Variants in DENND4B observed in about 807,000 individuals in gnomAD.
The protein encoded by DENND4B is DENN domain-containing protein 4B.
In DENND4B, 67 loss-of-function variants were observed where a neutral mutation model predicts 161.0. The observed-to-expected ratio is 0.42, with a 90% CI of 0.34 to 0.51. The LOEUF (loss-of-function observed/expected upper bound fraction) is 0.51. DENND4B is among the 20% of genes least tolerant of loss of function. The pLI, the probability that DENND4B is intolerant of heterozygous loss-of-function variation, is 0.08. For missense variants in DENND4B, 1,481 were observed against 1,968.0 expected (o/e 0.75, Z 4.68); for synonymous variants, 753 against 813.8 (o/e 0.93, Z 1.27).
rs375091440 is a variant in DENND4B at position 153,940,235 on chromosome 1, G to A, written c.1524C>T (p.Leu508=). The A allele has an allele frequency of 2.4e-5, 38 of 1,601,514 alleles. No individual in the cohort carries two copies. Among genetic ancestry groups the A allele is most frequent in the Non-Finnish European group, 3.1e-5 (37 of 1,174,702 alleles). ...GTCTGCGGGGCAGGGTCCGAGGGGA[G>A]AGGAGCTTCTTTTCCTCAGTCCTGT... ...TLFQTEEKKL[L]SPRTLPRRPY... is the part of the protein sequence containing the mutation. The change falls in exon 11 of 28, where the codon CTC becomes CTT. Residue 508 remains leucine (L), a synonymous_variant. Coordinates refer to ENST00000361217, the MANE Select transcript of DENND4B (RefSeq NM_014856.3). The surrounding 1 kb of genome is among the most constrained non-coding windows in gnomAD (Gnocchi z 5.6).
intron 13 of DENND4B, 55 bp downstream of exon 13, chr1:153,938,845 A>G: frequency 6.4e-7 from 1 of 1,550,840 alleles, no homozygotes; most frequent in Non-Finnish European, 8.7e-7. Context: ...TTGGGGCAAC[A>G]GAGACAATGA....
chr1:153,939,459 TA>T, intron 12 of DENND4B, 129 bp downstream of exon 12: 2 of 1,063,408 alleles, frequency 1.9e-6, no homozygotes, highest in Non-Finnish European at 2.7e-6. Context: ...CGGGTGCCCA[TA>T]AAAACATTTG....
At position 153,932,761 on chromosome 1, in the gene DENND4B, A is replaced by ATTT. The variant is rs775080280; in HGVS notation, c.3637_3639dup (p.Lys1213dup). On this transcript the variant is annotated inframe_insertion, in exon 23 of 28. Coordinates refer to ENST00000361217, the MANE Select transcript of DENND4B (RefSeq NM_014856.3). This position sits in a 1 kb window ranked among gnomAD's most constrained non-coding sequence, Gnocchi z 5.8. ...TCTTTGCTGCCACTGGCACCAGCAG[A>ATTT]TTTGGGGCTGGGGACACTGCAGGGG... 6.2e-7 allele frequency: 1 copy of ATTT among 1,613,988 alleles called. No homozygotes were observed.
chr1:153,930,379 T>C lies in DENND4B; in HGVS notation c.4409A>G (p.Glu1470Gly). 6.2e-7 allele frequency: 1 copy of C among 1,613,984 alleles called. No homozygotes were observed. Among genetic ancestry groups the C allele is most frequent in the Non-Finnish European group, 8.5e-7 (1 of 1,179,880 alleles). ...CATCTGCGCCCGCCGGTGCCTCAGC[T>C]CCTCCTTGCCCATGCTGCTGGCCAG... ...NKLASSMGKEELRHRRAQMPT... is the reference protein window; with the variant it reads ...NKLASSMGKEGLRHRRAQMPT... Residue 1470 changes from glutamate to glycine, a missense_variant, in exon 28 of 28, where the codon GAG (glutamate) becomes GGG (glycine). By Grantham distance (98) the Glu-to-Gly change is moderately conservative. Around this residue, in one of 3 missense-constraint regions of DENND4B, gnomAD observed 336 missense variants for 503.3 expected, o/e 0.67. Coordinates refer to ENST00000361217, the MANE Select transcript of DENND4B (RefSeq NM_014856.3). This position sits in a 1 kb window ranked among gnomAD's most constrained non-coding sequence, Gnocchi z 4.7.
intron 2 of DENND4B, among the ~76,000 whole-genome samples, chr1:153,943,678 T>TAAAAAGAA (rs1679801024): frequency 1.1e-5 from 1 of 92,408 alleles, no homozygotes; most frequent in African/African-American, 4.0e-5. Flanking sequence ...ACTCTGTCTA[T>TAAAAAGAA]AAAAAAAAAA....
At position 153,937,750 on chromosome 1, in the gene DENND4B, C is replaced by T. The variant is rs770968757; in HGVS notation, c.2079G>A (p.Glu693=). ...ITPPEEPALP[E]GSESTPQYCY... ...AGTACTGGGGAGTGGATTCACTGCC[C>T]TCTGGTAAGGCAGGCTCCTCGGGAG... Residue 693 remains glutamate (E), a synonymous_variant, in exon 14 of 28, where the codon GAG becomes GAA. Coordinates refer to ENST00000361217, the MANE Select transcript of DENND4B (RefSeq NM_014856.3). This position sits in a 1 kb window ranked among gnomAD's most constrained non-coding sequence, Gnocchi z 4.7. 80 of 1,613,896 alleles carry T rather than the reference C, an allele frequency of 5.0e-5. No individual in the cohort carries two copies. Among genetic ancestry groups the T allele is most frequent in the Non-Finnish European group, 6.6e-5 (78 of 1,179,904 alleles).
At position 153,942,701 on chromosome 1, in the gene DENND4B, C is replaced by A; in HGVS notation, c.571-76G>T. ...CTGGGGTCCACTTTCTCTCTACCAC[C>A]CCTAAATGTTCTTTTGTCTTTAAAG... On this transcript the variant is annotated intron_variant, in intron 3 of 27. Coordinates refer to ENST00000361217, the MANE Select transcript of DENND4B (RefSeq NM_014856.3). This position sits in a 1 kb window ranked among gnomAD's most constrained non-coding sequence, Gnocchi z 6.9. 4 of 1,490,786 alleles carry A rather than the reference C, an allele frequency of 2.7e-6. No homozygotes were observed. The highest frequency in any genetic ancestry group is 3.6e-6 in the Non-Finnish European group (4 of 1,118,742). The allele number at this position is 1,490,786 out of a possible 1,614,324, so 92.3% of individuals were successfully genotyped here.
intron 24 of DENND4B, among the ~76,000 whole-genome samples, chr1:153,931,647 G>GC (rs1557844590): frequency 7.0e-6 from 1 of 142,078 alleles, no homozygotes; most frequent in African/African-American, 2.6e-5. Flanking sequence ...ACAGGCGCCC[G>GC]CCACCATGCC....
chr1:153,938,000 G>A lies in DENND4B; in HGVS notation c.1966-137C>T, dbSNP rs1679444568. 13 of 1,255,070 alleles carry A rather than the reference G, an allele frequency of 1.0e-5. No homozygotes were observed. The highest frequency in any genetic ancestry group is 2.4e-5 in the East Asian group (1 of 42,298). 77.7% of individuals were successfully genotyped at this position (1,255,070 alleles called of 1,614,324 possible). Reference sequence around the variant, plus strand: ...AGCCTGGGAAGATGGCGTCAGGAACGGGAGGACAGTACATTACATGTACGG... The same window carrying A: ...AGCCTGGGAAGATGGCGTCAGGAACAGGAGGACAGTACATTACATGTACGG... On this transcript the variant is annotated intron_variant, in intron 13 of 27. Coordinates refer to ENST00000361217, the MANE Select transcript of DENND4B (RefSeq NM_014856.3). This position sits in a 1 kb window ranked among gnomAD's most constrained non-coding sequence, Gnocchi z 4.7.
chr1:153,931,929 G>A (rs939966550), intron 24 of DENND4B, among the ~76,000 whole-genome samples: 2 of 151,666 alleles, frequency 1.3e-5, no homozygotes, highest in Non-Finnish European at 1.5e-5. Flanking sequence ...TCAGCCTCCC[G>A]AGTAGCTGGG....
In DENND4B at chr1:153,937,938, A is replaced by G. The variant is rs1012520011; in HGVS notation, c.1966-75T>C. ...AGAGCCAGGGTGTCTAGACGATGGC[A>G]TCTCCCAGGAAAGCTCATCCACAAG... On this transcript the variant is annotated intron_variant, in intron 13 of 27. Transcript: ENST00000361217. This position sits in a 1 kb window ranked among gnomAD's most constrained non-coding sequence, Gnocchi z 4.7. The G allele has an allele frequency of 6.9e-6, 11 of 1,591,700 alleles. No homozygotes were observed. Among genetic ancestry groups the G allele is most frequent in the Non-Finnish European group, 9.4e-6 (11 of 1,165,496 alleles).
Position 153,936,821 on chromosome 1 carries a change from T to C in DENND4B, c.2233-73A>G, listed in dbSNP as rs1430341717. The C allele has an allele frequency of 1.5e-6, 2 of 1,365,920 alleles. No homozygotes were observed. The highest frequency in any genetic ancestry group is 2.9e-5 in the African/African-American group (2 of 67,918). The allele number at this position is 1,365,920 out of a possible 1,614,324, so 84.6% of individuals were successfully genotyped here. ...TCTTACTTATCTATTTATTTATTTA[T>C]TTATGACGGTCTCGCTCTGTCACCC... On this transcript the variant is annotated intron_variant, in intron 15 of 27. Transcript: ENST00000361217. The surrounding 1 kb of genome is among the most constrained non-coding windows in gnomAD (Gnocchi z 4.1).
chr1:153,930,300 G>A lies in DENND4B; in HGVS notation c.4488C>T (p.Cys1496=), dbSNP rs1287408397. 2.5e-6 allele frequency: 4 copies of A among 1,613,292 alleles called. No individual in the cohort carries two copies. Among genetic ancestry groups the A allele is most frequent in the African/African-American group, 2.7e-5 (2 of 74,934 alleles). The change falls in exon 28 of 28, where the codon TGC becomes TGT. Residue 1496 remains cysteine (C), a synonymous_variant. Coordinates refer to ENST00000361217, the MANE Select transcript of DENND4B (RefSeq NM_014856.3). This position sits in a 1 kb window ranked among gnomAD's most constrained non-coding sequence, Gnocchi z 4.7. ...TGGAGAGGGAAGCTTAAGGTCTCTA[G>A]CATTCTGGAGGTGCTCCAAAACATT... is the stretch of plus-strand genomic sequence containing the variant. ...CRKCFGAPPE[C] is the part of the protein sequence containing the mutation.
rs912784513 is a variant in DENND4B, at chr1:153,936,295, C to T, written c.2440-107G>A. On this transcript the variant is annotated intron_variant, in intron 16 of 27. Coordinates refer to ENST00000361217, the MANE Select transcript of DENND4B (RefSeq NM_014856.3). The surrounding 1 kb of genome is among the most constrained non-coding windows in gnomAD (Gnocchi z 4.1). Reference sequence around the variant, plus strand: ...CCCCAATTCTCACAGACATCACTGGCCCCTGGCAGGTCCTGGGGCTACCTC... The same window carrying T: ...CCCCAATTCTCACAGACATCACTGGTCCCTGGCAGGTCCTGGGGCTACCTC... 10 of 1,478,070 alleles carry T rather than the reference C, an allele frequency of 6.8e-6. No homozygotes were observed. In the African/African-American group the frequency reaches 1.4e-4, roughly 21 times the overall value. The allele number at this position is 1,478,070 out of a possible 1,614,324, so 91.6% of individuals were successfully genotyped here.
rs1480190284 is a variant in DENND4B at position 153,940,392 on chromosome 1, C to A, written c.1502+39G>T. ...CTCCACACACTAGCCCATTCCTGCC[C>A]ACCACCCTGCAGCCCCCAAATGAGA... On this transcript the variant is annotated intron_variant, in intron 10 of 27. Transcript: ENST00000361217. The surrounding 1 kb of genome is among the most constrained non-coding windows in gnomAD (Gnocchi z 5.6). 1 of 1,600,386 alleles carries A rather than the reference C, an allele frequency of 6.2e-7. No individual in the cohort carries two copies. The highest frequency in any genetic ancestry group is 2.3e-5 in the East Asian group (1 of 44,440).
Position 153,934,996 on chromosome 1 carries a change from A to G in DENND4B, c.2569-32T>C, listed in dbSNP as rs12043034. 3 of 1,602,962 alleles carry G rather than the reference A, an allele frequency of 1.9e-6. No individual in the cohort carries two copies. The highest frequency in any genetic ancestry group is 2.2e-5 in the East Asian group (1 of 44,814). ...AGCACAGTGCCCATCAGGATGGCCT[A>G]CCTCGACACCCTAACCCTGCCTCAT... is the stretch of plus-strand genomic sequence containing the variant. On this transcript the variant is annotated intron_variant, in intron 17 of 27. Transcript: ENST00000361217. This position sits in a 1 kb window ranked among gnomAD's most constrained non-coding sequence, Gnocchi z 5.3.
rs201571484 is a variant in DENND4B, at chr1:153,936,087, G to A, written c.2541C>T (p.Asn847=). The change falls in exon 17 of 28, where the codon AAC becomes AAT. Residue 847 remains asparagine (N), a synonymous_variant. Coordinates refer to ENST00000361217, the MANE Select transcript of DENND4B (RefSeq NM_014856.3). The surrounding 1 kb of genome is among the most constrained non-coding windows in gnomAD (Gnocchi z 4.1). ...LEMRQAGIVP[N]TITYGYYNKA... ...TATTGTAGTAGCCATAGGTGATGGT[G>A]TTGGGCACAATGCCTGCCTGACGCA... 66 of 1,613,136 alleles carry A rather than the reference G, an allele frequency of 4.1e-5. No homozygotes were observed. The Admixed American group carries it at 5.2e-4, about 13-fold the overall frequency.
In DENND4B at chr1:153,937,785, A is replaced by C; in HGVS notation, c.2044T>G (p.Phe682Val). 6.2e-7 allele frequency: 1 copy of C among 1,614,024 alleles called. No individual in the cohort carries two copies. The highest frequency in any genetic ancestry group is 8.5e-7 in the Non-Finnish European group (1 of 1,179,886). ...GCAGGCTCCTCGGGAGGTGTGATAA[A>C]GACAGTGAGCTCACTTCCTGACAGC... ...EELSGSELTV[F>V]ITPPEEPALP... Residue 682 changes from phenylalanine to valine, a missense_variant, in exon 14 of 28, where the codon TTT becomes GTT. Phe to Val is a conservative substitution (Grantham distance 50, BLOSUM62 -1). Transcript: ENST00000361217. The surrounding 1 kb of genome is among the most constrained non-coding windows in gnomAD (Gnocchi z 4.7).
At position 153,932,181 on chromosome 1, in the gene DENND4B, A is replaced by G. The variant is rs1220251186; in HGVS notation, c.3996+23T>C. 4 of 1,600,214 alleles carry G rather than the reference A, an allele frequency of 2.5e-6. No individual in the cohort carries two copies. The Admixed American group carries it at 5.1e-5, about 20-fold the overall frequency. Reference sequence around the variant, plus strand: ...GAGATGAGGGAGGCACTTAGGAAACAGGGGCCACATGGGGGCACTGACCTG... The same window carrying G: ...GAGATGAGGGAGGCACTTAGGAAACGGGGGCCACATGGGGGCACTGACCTG... On this transcript the variant is annotated intron_variant, in intron 24 of 27. Coordinates refer to ENST00000361217, the MANE Select transcript of DENND4B (RefSeq NM_014856.3). The surrounding 1 kb of genome is among the most constrained non-coding windows in gnomAD (Gnocchi z 5.8).
Sources: allele counts gnomAD v4.1 joint callset (sites outside exome capture counted in the v4.1 genomes callset), GRCh38; gene constraint gnomAD v4.1.1; regional missense constraint gnomAD v4.1.1; non-coding constraint Gnocchi (gnomAD v3.1); transcripts MANE v1.5; gene names NCBI Gene and HGNC (gene_info 2026-07-23, HGNC 2026-07-21).